HMGCLL1: variants seen among roughly 807,000 people sequenced by gnomAD.
The protein encoded by HMGCLL1 is 3-hydroxymethyl-3-methylglutaryl-CoA lyase, cytoplasmic.
Under a neutral mutation model 39.1 loss-of-function variants are expected in HMGCLL1, and 36 were observed. That is an observed-to-expected ratio of 0.92 (90% CI 0.71 to 1.22). HMGCLL1 has a LOEUF of 1.22. HMGCLL1 is among the 50% of genes most tolerant of loss of function. The pLI, the probability that HMGCLL1 is intolerant of heterozygous loss-of-function variation, is 0.00. For missense variants in HMGCLL1, 451 were observed against 416.5 expected (o/e 1.08, Z -0.72); for synonymous variants, 149 against 144.0 (o/e 1.03, Z -0.25).
At chr6:55,594,958 T>G in the HMGCLL1 span, among the ~76,000 whole-genome samples, 2 of 152,224 alleles carry the variant, frequency 1.3e-5, no homozygotes, top group Non-Finnish European at 2.9e-5. Flanking sequence ...AAAAATATAT[T>G]GTGCAGTATA....
intron 3 of HMGCLL1, among the ~76,000 whole-genome samples, chr6:55,536,547 TTATC>T (rs967247669): frequency 3.9e-5 from 6 of 152,210 alleles, no homozygotes; most frequent in African/African-American, 9.6e-5. Context: ...GCAATAAACT[TTATC>T]TATTTTTATA....
rs559531037 is a variant in HMGCLL1, at chr6:55,462,546, A to C, written c.796-22987T>G. Among the ~76,000 whole-genome samples the C allele has an allele frequency of 3.3e-5, 5 of 152,310 alleles. No homozygotes were observed. The South Asian group carries it at 1.0e-3, about 32-fold the overall frequency. ...AGACTTTAATTTTTCTAGAGACTTA[A>C]GTTTCAAAACATAATCCATATATAT... On this transcript the variant is annotated intron_variant, in intron 7 of 8. Coordinates refer to ENST00000274901, the MANE Select transcript of HMGCLL1 (RefSeq NM_001042406.2).
At chr6:55,631,471 T>C in the HMGCLL1 span, among the ~76,000 whole-genome samples, 1 of 151,978 alleles carries the variant, frequency 6.6e-6, no homozygotes, top group Non-Finnish European at 1.5e-5. Context: ...ACCAAGACCA[T>C]GGTTGTCTGC....
At chr6:55,648,976 T>C in the HMGCLL1 span, among the ~76,000 whole-genome samples, 1 of 151,546 alleles carries the variant, frequency 6.6e-6, no homozygotes, top group African/African-American at 2.4e-5. Flanking sequence ...AATAAAATAC[T>C]GGCAAACCGA....
chr6:55,568,854 AACACACACAC>A (rs139032251), intron 1 of HMGCLL1, among the ~76,000 whole-genome samples: 2 of 150,642 alleles, frequency 1.3e-5, no homozygotes, highest in Middle Eastern at 3.4e-3. Flanking sequence ...AGTAAAATGA[AACACACACAC>A]ACACACACAC....
chr6:55,525,653 G>C (rs1768279172), intron 3 of HMGCLL1, among the ~76,000 whole-genome samples: 1 of 151,886 alleles, frequency 6.6e-6, no homozygotes, highest in Non-Finnish European at 1.5e-5. Flanking sequence ...ACTGGCCTGA[G>C]GACTGCCTAG....
intron 1 of HMGCLL1, among the ~76,000 whole-genome samples, chr6:55,554,511 T>C (rs1440781141): frequency 6.6e-6 from 1 of 152,144 alleles, no homozygotes; most frequent in Non-Finnish European, 1.5e-5. Context: ...GCCATCATTC[T>C]TGGGGTACAT....
the HMGCLL1 span, among the ~76,000 whole-genome samples, chr6:55,613,860 G>A: frequency 6.6e-6 from 1 of 152,014 alleles, no homozygotes; most frequent in African/African-American, 2.4e-5. Context: ...GATAGATGTA[G>A]CAAACCACCA....
the HMGCLL1 span, among the ~76,000 whole-genome samples, chr6:55,606,819 G>A: frequency 4.6e-5 from 7 of 152,084 alleles, no homozygotes; most frequent in South Asian, 1.5e-3. Context: ...ATTCCCAGGT[G>A]GGCCCAATGT....
intron 7 of HMGCLL1, among the ~76,000 whole-genome samples, chr6:55,489,717 A>G (rs1401442150): frequency 6.6e-6 from 1 of 152,118 alleles, no homozygotes; most frequent in African/African-American, 2.4e-5. Context: ...TGATAAAAAC[A>G]AAGAAACATC....
the HMGCLL1 span, among the ~76,000 whole-genome samples, chr6:55,613,978 A>G: frequency 1.3e-5 from 2 of 152,198 alleles, no homozygotes; most frequent in African/African-American, 4.8e-5. Context: ...CTTCTGTTTT[A>G]ATGAATAAAA....
chr6:55,672,457 C>A, the HMGCLL1 span, among the ~76,000 whole-genome samples: 1 of 151,836 alleles, frequency 6.6e-6, no homozygotes, highest in East Asian at 1.9e-4. Flanking sequence ...ATCTAACCTG[C>A]TTTCCTAACC....
At chr6:55,484,152 C>T (rs906241817) in intron 7 of HMGCLL1, among the ~76,000 whole-genome samples, 1 of 152,140 alleles carries the variant, frequency 6.6e-6, no homozygotes, top group African/African-American at 2.4e-5. Flanking sequence ...CTAAGCATAA[C>T]TCCAAAAGCA....
At chr6:55,484,086 A>G (rs1486489355) in intron 7 of HMGCLL1, among the ~76,000 whole-genome samples, 1 of 152,182 alleles carries the variant, frequency 6.6e-6, no homozygotes, top group East Asian at 1.9e-4. Context: ...GTAAGAAATG[A>G]AGCCAAAGAA....
chr6:55,632,596 C>A, the HMGCLL1 span, among the ~76,000 whole-genome samples: 1 of 151,814 alleles, frequency 6.6e-6, no homozygotes, highest in Non-Finnish European at 1.5e-5. Context: ...TTTTATAATA[C>A]AACTTACATC....
the HMGCLL1 span, among the ~76,000 whole-genome samples, chr6:55,629,112 A>G: frequency 6.6e-6 from 1 of 152,130 alleles, no homozygotes; most frequent in East Asian, 1.9e-4. Context: ...TCAGAAGAAG[A>G]TAGGAAAATG....
the HMGCLL1 span, among the ~76,000 whole-genome samples, chr6:55,621,100 A>G: frequency 6.6e-6 from 1 of 152,168 alleles, no homozygotes; most frequent in South Asian, 2.1e-4. Flanking sequence ...GGCTTTTGCT[A>G]TTCTGGGTCT....
chr6:55,644,699 G>A, the HMGCLL1 span, among the ~76,000 whole-genome samples: 3 of 151,954 alleles, frequency 2.0e-5, no homozygotes, highest in Non-Finnish European at 2.9e-5. Flanking sequence ...TCAAGTGTGA[G>A]TTCACTGTAG....
At chr6:55,651,801 G>C in the HMGCLL1 span, among the ~76,000 whole-genome samples, 5 of 152,076 alleles carry the variant, frequency 3.3e-5, no homozygotes, top group Non-Finnish European at 7.4e-5. Flanking sequence ...GACTAGGGCT[G>C]GTCTAAATGT....
Sources: allele counts gnomAD v4.1 joint callset (sites outside exome capture counted in the v4.1 genomes callset), GRCh38; gene constraint gnomAD v4.1.1; transcripts MANE v1.5; gene names NCBI Gene and HGNC (gene_info 2026-07-23, HGNC 2026-07-21).